C14orf93: variants seen among roughly 807,000 people sequenced by gnomAD.
The protein encoded by C14orf93 is uncharacterized protein C14orf93.
Under a neutral mutation model 44.0 loss-of-function variants are expected in C14orf93, and 23 were observed. The observed-to-expected ratio is 0.52, with a 90% CI of 0.38 to 0.74. The LOEUF (loss-of-function observed/expected upper bound fraction) is 0.74. Among genes scored for constraint, C14orf93 ranks in the 30% least tolerant of loss-of-function variants. The pLI is 0.00. For synonymous variants in C14orf93, 253 were observed against 265.7 expected (o/e 0.95, Z 0.46); for missense variants, 579 against 678.9 (o/e 0.85, Z 1.64).
chr14:22,998,374 T>G, intron 2 of C14orf93, 53 bp downstream of exon 2: 2 of 1,437,134 alleles, frequency 1.4e-6, no homozygotes, highest in Non-Finnish European at 1.8e-6. Flanking sequence ...GGAAAAAGAG[T>G]GAAAAGCCAG....
intron 3 of C14orf93, among the ~76,000 whole-genome samples, chr14:22,991,276 C>T (rs1025355797): frequency 6.7e-6 from 1 of 149,988 alleles, no homozygotes; most frequent in Non-Finnish European, 1.5e-5. Context: ...CCTGTAATCC[C>T]AGTACTTTGG....
At chr14:22,991,064 C>T (rs1370858438) in intron 3 of C14orf93, among the ~76,000 whole-genome samples, 7 of 151,874 alleles carry the variant, frequency 4.6e-5, no homozygotes, top group East Asian at 3.9e-4. Context: ...ATGATCTGCC[C>T]GCCTCGGCCT....
In C14orf93 at chr14:22,987,230, C is replaced by T. The variant is rs375010710; in HGVS notation, c.1602G>A (p.Val534=). The change falls in exon 7 of 7, where the codon GTG becomes GTA. Residue 534 remains valine, a synonymous_variant. Transcript: ENST00000299088. This position sits in a 1 kb window ranked among gnomAD's most constrained non-coding sequence, Gnocchi z 5.6. ...GCTGTAGATTTTATTCATCCTTTTC[C>T]ACCTTGATTTCAATGAATGAGTTCA... is the stretch of plus-strand genomic sequence containing the variant. ...PDLNSFIEIK[V]EKDE The T allele has an allele frequency of 4.3e-6, 7 of 1,611,836 alleles. No individual in the cohort carries two copies. Among genetic ancestry groups the T allele is most frequent in the Non-Finnish European group, 5.1e-6 (6 of 1,178,386 alleles).
chr14:23,003,712 G>A (rs2046421368), intron 1 of C14orf93, among the ~76,000 whole-genome samples: 2 of 150,624 alleles, frequency 1.3e-5, no homozygotes, highest in South Asian at 4.2e-4. Context: ...GAGACAGGAG[G>A]ATGGCTTGAA....
chr14:22,999,718 A>C (rs2139664953), intron 1 of C14orf93, among the ~76,000 whole-genome samples: 1 of 152,346 alleles, frequency 6.6e-6, no homozygotes, highest in South Asian at 2.1e-4. Context: ...TGACATTAAC[A>C]ATCATGACAA....
chr14:22,995,774 C>T (rs1380327068), intron 3 of C14orf93, among the ~76,000 whole-genome samples, 174 bp downstream of exon 3: 5 of 151,346 alleles, frequency 3.3e-5, no homozygotes, highest in African/African-American at 1.2e-4. Flanking sequence ...TGATGTTTAG[C>T]AGGGGACTTC....
chr14:22,990,474 CT>C (rs34351363), intron 3 of C14orf93, among the ~76,000 whole-genome samples: 21,578 of 146,010 alleles, frequency 0.15, 1,685 homozygotes, highest in Admixed American at 0.19. Context: ...ACTTTTCTTT[CT>C]TTTTTTTTTT....
intron 5 of C14orf93, among the ~76,000 whole-genome samples, chr14:22,988,975 T>C (rs2045419596): frequency 6.6e-6 from 1 of 152,086 alleles, no homozygotes; most frequent in South Asian, 2.1e-4. Flanking sequence ...GCCACTCTGA[T>C]GGAAGATTAC....
rs985178119 is a variant in C14orf93, at chr14:22,989,599, G to A, written c.1084+143C>T. Reference sequence around the variant, plus strand: ...AATTCTATGAATATATTGAAGGTGAGAATAGCCAAAAAATGTTTCAAATCC... The same window carrying A: ...AATTCTATGAATATATTGAAGGTGAAAATAGCCAAAAAATGTTTCAAATCC... On this transcript the variant is annotated intron_variant, in intron 5 of 6. Transcript: ENST00000299088. The A allele has an allele frequency of 1.7e-4, 107 of 630,272 alleles. No homozygotes were observed. The Middle Eastern group carries it at 2.1e-3, about 12-fold the overall frequency. 39.0% of individuals were successfully genotyped at this position (630,272 alleles called of 1,614,324 possible).
chr14:22,988,516 T>C (rs1321653038), intron 5 of C14orf93, among the ~76,000 whole-genome samples: 1 of 152,136 alleles, frequency 6.6e-6, no homozygotes, highest in African/African-American at 2.4e-5. Context: ...ATGATTTTGT[T>C]ATGAGACAGG....
At position 22,987,804 on chromosome 14, in the gene C14orf93, G is replaced by T; in HGVS notation, c.1197+99C>A. 1 of 1,229,752 alleles carries T rather than the reference G, an allele frequency of 8.1e-7. No individual in the cohort carries two copies. The highest frequency in any genetic ancestry group is 1.2e-6 in the Non-Finnish European group (1 of 866,894). The allele number at this position is 1,229,752 out of a possible 1,614,324, so 76.2% of individuals were successfully genotyped here. A position where few individuals can be genotyped will look rare whatever the true frequency, so the allele number is the denominator to read the frequency against. On this transcript the variant is annotated intron_variant, in intron 6 of 6. Coordinates refer to ENST00000299088, the MANE Select transcript of C14orf93 (RefSeq NM_021944.4). This position sits in a 1 kb window ranked among gnomAD's most constrained non-coding sequence, Gnocchi z 5.6. ...TTCTTCTCTATCTTCCTACATTCCT[G>T]GCTCTCAACCCTATTCTCATATGCC...
chr14:22,998,420 T>C lies in C14orf93; in HGVS notation c.597+7A>G. 1.3e-6 allele frequency: 2 copies of C among 1,537,056 alleles called. No individual in the cohort carries two copies. The highest frequency in any genetic ancestry group is 1.8e-6 in the Non-Finnish European group (2 of 1,141,058). ...TAGGAGGAATAGCCCTCTGCTGCCA[T>C]ACTCACAGGATTGAGCAGGGGGGCC... On this transcript the variant is annotated splice_region_variant and intron_variant, in intron 2 of 6. Transcript: ENST00000299088.
At chr14:23,003,559 T>C (rs2046412111) in intron 1 of C14orf93, among the ~76,000 whole-genome samples, 2 of 151,848 alleles carry the variant, frequency 1.3e-5, no homozygotes, top group South Asian at 4.2e-4. Flanking sequence ...GAGGCTGAGG[T>C]GGGCGGGTCA....
intron 3 of C14orf93, among the ~76,000 whole-genome samples, chr14:22,992,083 G>C (rs947079214): frequency 1.3e-5 from 2 of 152,296 alleles, no homozygotes; most frequent in Non-Finnish European, 2.9e-5. Context: ...CATTAAACAG[G>C]CTGTCTTTCC....
intron 5 of C14orf93, among the ~76,000 whole-genome samples, chr14:22,989,507 G>A (rs559256999): frequency 3.6e-4 from 55 of 152,324 alleles, no homozygotes; most frequent in African/African-American, 1.3e-3. Flanking sequence ...GCATGATGCT[G>A]TTCTAGCCCT....
chr14:23,009,409 T>C (rs1250136909), intron 1 of C14orf93, among the ~76,000 whole-genome samples: 1 of 152,182 alleles, frequency 6.6e-6, no homozygotes, highest in Non-Finnish European at 1.5e-5. Flanking sequence ...AAATCTGATA[T>C]GGCACATATA....
rs1447976494 is a variant in C14orf93 at position 22,996,753 on chromosome 14, C to G, written c.598-485G>C. Among the ~76,000 whole-genome samples, 1 of 152,146 alleles carries G rather than the reference C, an allele frequency of 6.6e-6. No individual in the cohort carries two copies. Among genetic ancestry groups the G allele is most frequent in the Non-Finnish European group, 1.5e-5 (1 of 68,032 alleles). ...AGAGAGACTGGCAGCAACAGCTCCC[C>G]TCACCTATCCTCCATTCCCAGAGTC... On this transcript the variant is annotated intron_variant, in intron 2 of 6. Coordinates refer to ENST00000299088, the MANE Select transcript of C14orf93 (RefSeq NM_021944.4). This position sits in a 1 kb window ranked among gnomAD's most constrained non-coding sequence, Gnocchi z 4.1.
chr14:22,998,923 C>T lies in C14orf93; in HGVS notation c.101G>A (p.Gly34Asp), dbSNP rs115384436. Residue 34 changes from glycine (G) to aspartate (D), a missense_variant, in exon 2 of 7, where the codon GGC (glycine) becomes GAC (aspartate). Gly to Asp is a moderately conservative substitution (Grantham distance 94). Coordinates refer to ENST00000299088, the MANE Select transcript of C14orf93 (RefSeq NM_021944.4). ...GGGAGGAGGATTCCCACCCTGGGAG[C>T]CTGTGTTGCCTCCATTAGTCTCACT... ...CKSETNGGNTGSQGGNPPPST... is the reference protein window; with the variant it reads ...CKSETNGGNTDSQGGNPPPST... The T allele has an allele frequency of 4.3e-6, 7 of 1,614,096 alleles. No homozygotes were observed. Among genetic ancestry groups the T allele is most frequent in the Non-Finnish European group, 5.9e-6 (7 of 1,180,030 alleles).
At chr14:22,997,527 A>C (rs1466173570) in intron 2 of C14orf93, among the ~76,000 whole-genome samples, 1 of 152,122 alleles carries the variant, frequency 6.6e-6, no homozygotes, top group Non-Finnish European at 1.5e-5. Context: ...CCTATCTCTA[A>C]GATCTCTATA....
Sources: gnomAD v4.1 joint callset for allele counts (sites outside exome capture counted in the v4.1 genomes callset) on GRCh38, gnomAD v4.1.1 for gene constraint, Gnocchi (gnomAD v3.1) non-coding constraint, MANE v1.5 for transcripts, NCBI Gene and HGNC (gene_info 2026-07-23, HGNC 2026-07-21) for gene names.